Variants in PRTG observed in about 807,000 individuals in gnomAD.
The protein encoded by PRTG is protogenin.
A neutral mutation model predicts 122.5 loss-of-function variants in PRTG; 67 were observed. That is an observed-to-expected ratio of 0.55 (90% confidence interval 0.45 to 0.67). The LOEUF (loss-of-function observed/expected upper bound fraction) is 0.67. PRTG is among the 30% of genes least tolerant of loss of function. The probability of loss-of-function intolerance (pLI) is 0.00; values close to 1 mark genes in which losing one functional copy is unlikely to be tolerated. For synonymous variants in PRTG, 554 were observed against 501.1 expected (o/e 1.11, Z -1.41); for missense variants, 1,435 against 1,415.4 (o/e 1.01, Z -0.22).
At chr15:55,742,790 C>G (rs1347422603) in intron 1 of PRTG, 48 bp downstream of exon 1, 1 of 1,537,498 alleles carries the variant, frequency 6.5e-7, no homozygotes, top group Admixed American at 2.0e-5. Flanking sequence ...CACTCGCGCC[C>G]GCTCCCGCCC....
chr15:55,612,441 T>C lies in PRTG; in HGVS notation c.*7571A>G, dbSNP rs1238530212. On this transcript the variant is annotated 3_prime_UTR_variant, in exon 20 of 20. Transcript: ENST00000389286. ...TATGGATAAGAAAAAAGGGAAAATA[T>C]TTCCTCTAAAAAAAGAAGCCAATCA... 6.6e-6 allele frequency: 1 copy of C among 151,690 alleles called. No homozygotes were observed. The highest frequency in any genetic ancestry group is 2.4e-5 in the African/African-American group (1 of 41,256). 9.4% of individuals were successfully genotyped at this position (151,690 alleles called of 1,614,324 possible). A position where few individuals can be genotyped will look rare whatever the true frequency, so the allele number is the denominator to read the frequency against.
rs563961613 is a variant in PRTG at position 55,668,723 on chromosome 15, T to C, written c.2041+3722A>G. Among the ~76,000 whole-genome samples the C allele has an allele frequency of 5.3e-5, 8 of 152,266 alleles. No individual in the cohort carries two copies. The South Asian group carries it at 1.7e-3, about 32-fold the overall frequency. On this transcript the variant is annotated intron_variant, in intron 11 of 19. Transcript: ENST00000389286. ...AAAATCAAACTATATTTTAAAGTCA[T>C]TAAAATCAAACAAGCTAACATCAAA...
At chr15:55,640,997 G>C in intron 12 of PRTG, 116 bp downstream of exon 12, 1 of 728,906 alleles carries the variant, frequency 1.4e-6, no homozygotes, top group South Asian at 1.7e-5. Flanking sequence ...CAGCACAGAG[G>C]ATAGAAATTA....
At chr15:55,690,627 G>A (rs978707346) in intron 2 of PRTG, among the ~76,000 whole-genome samples, 1 of 151,920 alleles carries the variant, frequency 6.6e-6, no homozygotes, top group African/African-American at 2.4e-5. Context: ...ATGCTCAACC[G>A]GCGTAATGCA....
intron 2 of PRTG, among the ~76,000 whole-genome samples, chr15:55,734,268 A>C (rs2031337819): frequency 2.6e-5 from 4 of 152,188 alleles, no homozygotes; most frequent in Admixed American, 2.6e-4. Context: ...TGAGTCAATC[A>C]CATTCTGAGT....
chr15:55,640,019 A>G (rs1487603561), intron 12 of PRTG, 191 bp from the exon 13 acceptor site: 1 of 922,062 alleles, frequency 1.1e-6, no homozygotes, highest in African/African-American at 1.8e-5. Context: ...TAAGAAGTCA[A>G]AAACAGTCAT....
At chr15:55,691,732 A>G (rs112310748) in intron 2 of PRTG, among the ~76,000 whole-genome samples, 3,292 of 152,156 alleles carry the variant, frequency 0.022, 123 homozygotes, top group African/African-American at 0.073. Flanking sequence ...CCAAAACAGA[A>G]AAACACCTTT....
intron 11 of PRTG, among the ~76,000 whole-genome samples, chr15:55,657,197 T>TAA (rs1270417601): frequency 6.6e-6 from 1 of 152,154 alleles, no homozygotes; most frequent in Admixed American, 6.5e-5. Context: ...ATAGGCCTTT[T>TAA]AAAAGTGTGT....
chr15:55,689,327 T>G (rs1256083437), intron 2 of PRTG, among the ~76,000 whole-genome samples: 1 of 152,204 alleles, frequency 6.6e-6, no homozygotes, highest in African/African-American at 2.4e-5. Context: ...ATATTTAAAC[T>G]GCTTAGCCTA....
chr15:55,636,926 C>T (rs938461983), intron 15 of PRTG, among the ~76,000 whole-genome samples: 1 of 152,152 alleles, frequency 6.6e-6, no homozygotes, highest in Admixed American at 6.6e-5. Flanking sequence ...AGATTACAGG[C>T]GTGAGCCACT....
intron 2 of PRTG, among the ~76,000 whole-genome samples, chr15:55,723,826 A>G (rs1285641360): frequency 1.4e-5 from 2 of 140,294 alleles, no homozygotes; most frequent in Admixed American, 1.6e-4. Context: ...ATCTCAGCTC[A>G]CTGCAACCTC....
At chr15:55,710,317 A>C (rs1436120898) in intron 2 of PRTG, among the ~76,000 whole-genome samples, 2 of 152,224 alleles carry the variant, frequency 1.3e-5, no homozygotes, top group African/African-American at 4.8e-5. Flanking sequence ...TTTTACATAA[A>C]TCTACTTAAT....
intron 17 of PRTG, among the ~76,000 whole-genome samples, chr15:55,626,408 C>CAA (rs79517434): frequency 5.2e-5 from 6 of 116,502 alleles, no homozygotes; most frequent in African/African-American, 1.3e-4. Context: ...GACTTTGTCT[C>CAA]AAAAAAAAAA....
chr15:55,617,975 G>A lies in PRTG; in HGVS notation c.*2037C>T, dbSNP rs934555725. ...TGAGGCAGCTCAAAAGTAACAAAAC[G>A]TTCCCTGAGTACAGGAAAAAAAATA... On this transcript the variant is annotated 3_prime_UTR_variant, in exon 20 of 20. Coordinates refer to ENST00000389286, the MANE Select transcript of PRTG (RefSeq NM_173814.6). 6.6e-6 allele frequency: 1 copy of A among 152,024 alleles called. No homozygotes were observed. The highest frequency in any genetic ancestry group is 1.5e-5 in the Non-Finnish European group (1 of 67,992). The allele number at this position is 152,024 out of a possible 1,614,324, so 9.4% of individuals were successfully genotyped here.
At chr15:55,725,401 C>T (rs2030989486) in intron 2 of PRTG, among the ~76,000 whole-genome samples, 1 of 151,884 alleles carries the variant, frequency 6.6e-6, no homozygotes, top group African/African-American at 2.4e-5. Context: ...TAAGGTAAGC[C>T]TAGGCAACAA....
intron 18 of PRTG, among the ~76,000 whole-genome samples, chr15:55,622,275 T>C (rs1164780105): frequency 6.8e-6 from 1 of 148,074 alleles, no homozygotes; most frequent in Non-Finnish European, 1.5e-5. Flanking sequence ...CTGGAGAATA[T>C]GGCGCGATCT....
chr15:55,646,929 A>C (rs1471997277), intron 11 of PRTG, among the ~76,000 whole-genome samples: 1 of 151,982 alleles, frequency 6.6e-6, no homozygotes, highest in Non-Finnish European at 1.5e-5. Flanking sequence ...TGTCCCTAGG[A>C]CTGGTCTAAC....
chr15:55,656,930 C>T (rs1337359637), intron 11 of PRTG, among the ~76,000 whole-genome samples: 10 of 152,168 alleles, frequency 6.6e-5, no homozygotes, highest in African/African-American at 1.9e-4. Context: ...AGGAGAGATA[C>T]CAGCAAGCTG....
chr15:55,620,627 G>T (rs950377713), intron 19 of PRTG, 36 bp downstream of exon 19: 2 of 1,555,696 alleles, frequency 1.3e-6, no homozygotes, highest in Non-Finnish European at 8.6e-7. Flanking sequence ...CATATATCAC[G>T]CATTGCCAAA....
Sources: gnomAD v4.1 joint callset for allele counts (sites outside exome capture counted in the v4.1 genomes callset) on GRCh38, gnomAD v4.1.1 for gene constraint, MANE v1.5 for transcripts, NCBI Gene and HGNC (gene_info 2026-07-23, HGNC 2026-07-21) for gene names.